NEK7: variants seen among roughly 807,000 people sequenced by gnomAD.
NEK7 encodes the protein serine/threonine-protein kinase Nek7.
In NEK7, 18 loss-of-function variants were observed where a neutral mutation model predicts 44.6. The ratio of observed to expected loss-of-function variants is 0.40; its 90% CI spans 0.28 to 0.60. NEK7 has a LOEUF of 0.60. Ranked by LOEUF, NEK7 falls within the 20% of genes least tolerant of loss-of-function variation. The pLI, the probability that NEK7 is intolerant of heterozygous loss-of-function variation, is 0.38. For missense variants in NEK7, 256 were observed against 366.5 expected, an observed-to-expected ratio of 0.70 and a Z score of 2.46; for synonymous variants, 130 against 121.1, an observed-to-expected ratio of 1.07 and a Z score of -0.48.
chr1:198,307,540 C>A (rs1655053399), intron 9 of NEK7, among the ~76,000 whole-genome samples: 1 of 151,982 alleles, frequency 6.6e-6, no homozygotes, highest in South Asian at 2.1e-4. Context: ...TTCATAGGAC[C>A]CACTACACGG....
intron 1 of NEK7, among the ~76,000 whole-genome samples, chr1:198,169,225 T>C (rs929478782): frequency 2.0e-4 from 30 of 152,354 alleles, no homozygotes; most frequent in Middle Eastern, 6.8e-3. Context: ...GGTCAATTTT[T>C]CAGTCATTAG....
intron 2 of NEK7, among the ~76,000 whole-genome samples, chr1:198,250,645 G>C (rs1347105936): frequency 7.1e-6 from 1 of 141,490 alleles, no homozygotes; most frequent in Non-Finnish European, 1.5e-5. Flanking sequence ...TGAAGCAATT[G>C]TGAATGGGAG....
intron 1 of NEK7, among the ~76,000 whole-genome samples, chr1:198,205,885 A>G (rs1571530513): frequency 6.6e-6 from 1 of 152,156 alleles, no homozygotes; most frequent in East Asian, 1.9e-4. Context: ...AGGAATATGA[A>G]ACAAGTTTTT....
intron 5 of NEK7, among the ~76,000 whole-genome samples, chr1:198,269,024 A>C (rs573635011): frequency 2.0e-4 from 31 of 152,256 alleles, no homozygotes; most frequent in African/African-American, 7.2e-4. Context: ...GTGCTCCCAG[A>C]GTACCCTTCC....
intron 1 of NEK7, among the ~76,000 whole-genome samples, chr1:198,159,936 T>C (rs1938372): frequency 0.15 from 22,643 of 152,184 alleles, 1,864 homozygotes; most frequent in East Asian, 0.22. Flanking sequence ...CATAAGGACC[T>C]CATGCCCCAA....
rs1666428097 is a variant in NEK7, at chr1:198,232,577, G to A, written c.-4G>A. On this transcript the variant is annotated 5_prime_UTR_variant, in exon 2 of 10. Transcript: ENST00000367385. ...GAGTTCTAAAGTTCCTGTTGCTTCA[G>A]ACAATGGATGAGCAATCACAAGGAA... 6.3e-7 allele frequency: 1 copy of A among 1,595,590 alleles called. No homozygotes were observed. Among genetic ancestry groups the A allele is most frequent in the Non-Finnish European group, 8.6e-7 (1 of 1,163,696 alleles).
chr1:198,318,541 A>AAATTCTC (rs1166014390), intron 9 of NEK7, among the ~76,000 whole-genome samples: 1 of 152,210 alleles, frequency 6.6e-6, no homozygotes, highest in Non-Finnish European at 1.5e-5. Context: ...GAGTTAATGC[A>AAATTCTC]AATTCTCAAA....
intron 1 of NEK7, among the ~76,000 whole-genome samples, chr1:198,178,183 A>G (rs1253553743): frequency 2.6e-5 from 4 of 152,128 alleles, no homozygotes; most frequent in African/African-American, 4.8e-5. Context: ...TAAATTTTAA[A>G]GTAGAGTTTA....
chr1:198,300,303 A>G (rs1654846071), intron 9 of NEK7, among the ~76,000 whole-genome samples: 1 of 152,170 alleles, frequency 6.6e-6, no homozygotes, highest in South Asian at 2.1e-4. Flanking sequence ...CCCGTCGTAA[A>G]CTGACCTGGG....
At chr1:198,300,111 TC>T (rs1654840489) in intron 9 of NEK7, among the ~76,000 whole-genome samples, 1 of 152,188 alleles carries the variant, frequency 6.6e-6, no homozygotes, top group African/African-American at 2.4e-5. Flanking sequence ...TTTTGTATTT[TC>T]TCCTTTTCTA....
intron 1 of NEK7, among the ~76,000 whole-genome samples, chr1:198,204,860 T>A (rs543556349): frequency 2.0e-4 from 31 of 152,118 alleles, no homozygotes; most frequent in African/African-American, 6.0e-4. Context: ...ATCTGTTTTT[T>A]AAAAAAAAGG....
At chr1:198,309,862 G>A (rs1655123117) in intron 9 of NEK7, among the ~76,000 whole-genome samples, 1 of 152,128 alleles carries the variant, frequency 6.6e-6, no homozygotes, top group Non-Finnish European at 1.5e-5. Context: ...ATTTGGGTTG[G>A]TTCCAAGTCT....
chr1:198,249,376 C>T (rs1019411470), intron 2 of NEK7, among the ~76,000 whole-genome samples: 4 of 151,934 alleles, frequency 2.6e-5, no homozygotes, highest in African/African-American at 7.3e-5. Context: ...TTTATAGCAG[C>T]ATGATTTATA....
intron 3 of NEK7, among the ~76,000 whole-genome samples, chr1:198,255,568 T>C (rs1490398139): frequency 6.6e-6 from 1 of 152,168 alleles, no homozygotes; most frequent in African/African-American, 2.4e-5. Context: ...TTCTATTGAT[T>C]GGGAATTTGA....
rs1448268703 is a variant in NEK7 at position 198,321,519 on chromosome 1, A to C, written c.*1997A>C. On this transcript the variant is annotated 3_prime_UTR_variant, in exon 10 of 10. Coordinates refer to ENST00000367385, the MANE Select transcript of NEK7 (RefSeq NM_133494.3). ...AATCTTTAAGAATACATAGATCTAAAATTCATTAGCTTGACCCCTCAAAGT... is the reference window on the plus strand; with the variant it reads ...AATCTTTAAGAATACATAGATCTAACATTCATTAGCTTGACCCCTCAAAGT... The C allele has an allele frequency of 6.6e-6, 1 of 152,114 alleles. No individual in the cohort carries two copies. The highest frequency in any genetic ancestry group is 1.5e-5 in the Non-Finnish European group (1 of 67,990). The allele number at this position is 152,114 out of a possible 1,614,324, so 9.4% of individuals were successfully genotyped here. A position where few individuals can be genotyped will look rare whatever the true frequency, so the allele number is the denominator to read the frequency against.
chr1:198,167,679 A>C (rs1303632151), intron 1 of NEK7, among the ~76,000 whole-genome samples: 3 of 152,158 alleles, frequency 2.0e-5, no homozygotes, highest in African/African-American at 7.2e-5. Flanking sequence ...GCACAGGGGC[A>C]AAAGCTCTTT....
intron 1 of NEK7, among the ~76,000 whole-genome samples, chr1:198,184,461 A>T (rs1224939422): frequency 6.6e-6 from 1 of 152,218 alleles, no homozygotes; most frequent in East Asian, 1.9e-4. Flanking sequence ...TAAATAGTCA[A>T]ACTGCTTACA....
At chr1:198,168,878 G>A (rs1329526157) in intron 1 of NEK7, among the ~76,000 whole-genome samples, 1 of 152,132 alleles carries the variant, frequency 6.6e-6, no homozygotes, top group Non-Finnish European at 1.5e-5. Flanking sequence ...AGATGTAATG[G>A]CTGGAATAAA....
chr1:198,307,163 G>A (rs1329830897), intron 9 of NEK7, among the ~76,000 whole-genome samples: 1 of 152,040 alleles, frequency 6.6e-6, no homozygotes, highest in Non-Finnish European at 1.5e-5. Flanking sequence ...AACATAGTAA[G>A]CAAATTAGTT....
Sources: gnomAD v4.1 joint callset for allele counts (sites outside exome capture counted in the v4.1 genomes callset) on GRCh38, gnomAD v4.1.1 for gene constraint, MANE v1.5 for transcripts, NCBI Gene and HGNC (gene_info 2026-07-23, HGNC 2026-07-21) for gene names.